Variants in CNIH3 observed in about 807,000 individuals in gnomAD.
The protein encoded by CNIH3 is cornichon family AMPA receptor auxiliary protein 3, also known as protein cornichon homolog 3.
A neutral mutation model predicts 24.1 loss-of-function variants in CNIH3; 14 were observed. That is an observed-to-expected ratio of 0.58 (90% CI 0.38 to 0.91). The LOEUF (loss-of-function observed/expected upper bound fraction) is 0.91, where lower values mean the gene tolerates loss of function less well. CNIH3 is among the 40% of genes least tolerant of loss of function. The pLI is 0.00. For synonymous variants in CNIH3, 68 were observed against 73.8 expected (o/e 0.92, Z 0.40); for missense variants, 178 against 196.8 (o/e 0.90, Z 0.57).
intron 5 of CNIH3, among the ~76,000 whole-genome samples, chr1:224,738,791 T>C (rs2125253233): frequency 6.6e-6 from 1 of 152,232 alleles, no homozygotes; most frequent in African/African-American, 2.4e-5. Flanking sequence ...CCATTAAAAA[T>C]AAGAGGGCCA....
intron 2 of CNIH3, among the ~76,000 whole-genome samples, chr1:224,542,649 T>A (rs1380366391): frequency 6.6e-6 from 1 of 152,164 alleles, no homozygotes; most frequent in African/African-American, 2.4e-5. Context: ...ATAGGATCAA[T>A]GAGAAGGCTA....
intron 1 of CNIH3, among the ~76,000 whole-genome samples, chr1:224,482,727 A>T (rs1405407679): frequency 6.6e-6 from 1 of 151,372 alleles, no homozygotes. Context: ...TGATGCAAGC[A>T]CTCCCTTAGC....
intron 1 of CNIH3, among the ~76,000 whole-genome samples, chr1:224,453,992 A>G (rs533745778): frequency 9.9e-5 from 15 of 152,128 alleles, no homozygotes; most frequent in Non-Finnish European, 1.8e-4. Context: ...AACTTTAGGC[A>G]GAATTATCTT....
chr1:224,607,819 C>A (rs1335001754), intron 3 of CNIH3, among the ~76,000 whole-genome samples: 1 of 152,124 alleles, frequency 6.6e-6, no homozygotes, highest in Non-Finnish European at 1.5e-5. Flanking sequence ...GTGTGTGACC[C>A]AGTTCCCAGC....
At chr1:224,440,948 C>G (rs1674881776) in intron 1 of CNIH3, among the ~76,000 whole-genome samples, 1 of 152,110 alleles carries the variant, frequency 6.6e-6, no homozygotes, top group African/African-American at 2.4e-5. Context: ...TCCCGAGTAG[C>G]TGGGACTACA....
intron 4 of CNIH3, among the ~76,000 whole-genome samples, chr1:224,582,390 T>C (rs1312603465): frequency 6.6e-6 from 1 of 152,192 alleles, no homozygotes; most frequent in African/African-American, 2.4e-5. Context: ...ATGACAAGTA[T>C]GTTACATAAA....
At chr1:224,661,288 A>AT (rs970164308) in intron 1 of CNIH3, 33 of 295,058 alleles carry the variant, frequency 1.1e-4, no homozygotes, top group Non-Finnish European at 1.7e-4. Context: ...TTTTTTAGTA[A>AT]TTTTTTTGCC....
chr1:224,695,357 AACACACACACAC>A (rs56245587), intron 3 of CNIH3, among the ~76,000 whole-genome samples: 5,308 of 145,830 alleles, frequency 0.036, 139 homozygotes, highest in East Asian at 0.12. Flanking sequence ...TCTCTTTCTA[AACACACACACAC>A]ACACACACAC....
intron 1 of CNIH3, among the ~76,000 whole-genome samples, chr1:224,516,803 G>T (rs116578483): frequency 6.6e-6 from 1 of 152,296 alleles, no homozygotes; most frequent in East Asian, 1.9e-4. Context: ...TGCCATCATC[G>T]CATCATCCCC....
At chr1:224,470,964 C>A (rs1423159934) in intron 1 of CNIH3, among the ~76,000 whole-genome samples, 1 of 152,188 alleles carries the variant, frequency 6.6e-6, no homozygotes, top group African/African-American at 2.4e-5. Context: ...TCTAGTTGTA[C>A]TCTTTTAATT....
At chr1:224,496,023 A>T (rs2124858340) in intron 1 of CNIH3, among the ~76,000 whole-genome samples, 1 of 152,230 alleles carries the variant, frequency 6.6e-6, no homozygotes, top group East Asian at 1.9e-4. Flanking sequence ...GTGAAACATA[A>T]TCTGGGAAGT....
intron 4 of CNIH3, among the ~76,000 whole-genome samples, chr1:224,579,586 C>G (rs1572515805): frequency 6.6e-6 from 1 of 152,154 alleles, no homozygotes; most frequent in Non-Finnish European, 1.5e-5. Context: ...CCCCTGCAAA[C>G]CTCATGCTGA....
chr1:224,489,492 G>T (rs1005314024), intron 1 of CNIH3, among the ~76,000 whole-genome samples: 1 of 152,094 alleles, frequency 6.6e-6, no homozygotes, highest in Non-Finnish European at 1.5e-5. Context: ...GATAAAAGCC[G>T]TAAAAATGGG....
chr1:224,699,616 A>G (rs939249743), intron 3 of CNIH3, among the ~76,000 whole-genome samples: 1 of 152,204 alleles, frequency 6.6e-6, no homozygotes, highest in African/African-American at 2.4e-5. Context: ...GACACTAGTC[A>G]TACCAGGTTA....
At chr1:224,569,486 A>T (rs890170842) in intron 4 of CNIH3, among the ~76,000 whole-genome samples, 14 of 152,144 alleles carry the variant, frequency 9.2e-5, no homozygotes, top group Admixed American at 3.9e-4. Context: ...GACTTTTTCG[A>T]TCATTCTTGT....
chr1:224,658,023 CAAAG>C (rs1445822344), intron 1 of CNIH3, among the ~76,000 whole-genome samples: 2 of 151,958 alleles, frequency 1.3e-5, no homozygotes, highest in African/African-American at 4.8e-5. Context: ...CAATATAACC[CAAAG>C]AAAGTTAAAC....
At chr1:224,637,055 G>A (rs772033176) in intron 1 of CNIH3, among the ~76,000 whole-genome samples, 1 of 151,394 alleles carries the variant, frequency 6.6e-6, no homozygotes, top group Non-Finnish European at 1.5e-5. Context: ...GGGTTCAAGC[G>A]ATTCTCCTGC....
At chr1:224,739,223 C>G in intron 5 of CNIH3, 106 bp from the exon 6 acceptor site, 1 of 1,519,158 alleles carries the variant, frequency 6.6e-7, no homozygotes, top group Admixed American at 2.2e-5. Context: ...GCCAAGGGGT[C>G]TGGCCTCTGG....
chr1:224,673,596 C>G (rs1344473189), intron 1 of CNIH3, among the ~76,000 whole-genome samples: 1 of 152,216 alleles, frequency 6.6e-6, no homozygotes, highest in Non-Finnish European at 1.5e-5. Context: ...ACTTCCCTCT[C>G]TACTCCCGAT....
Sources: gnomAD v4.1 joint callset for allele counts (sites outside exome capture counted in the v4.1 genomes callset) on GRCh38, gnomAD v4.1.1 for gene constraint, MANE v1.5 for transcripts, NCBI Gene and HGNC (gene_info 2026-07-23, HGNC 2026-07-21) for gene names.